The following RBFOX1 variants were observed in gnomAD, a reference collection of about 807,000 sequenced individuals.
The protein encoded by RBFOX1 is RNA binding protein fox-1 homolog 1.
RBFOX1 carries 8 observed loss-of-function variants against 57.7 expected under a neutral mutation model. That is an observed-to-expected ratio of 0.14 (90% CI 0.08 to 0.25). The LOEUF is 0.25. RBFOX1 is among the 10% of genes least tolerant of loss of function. RBFOX1 has a pLI of 1.00. For synonymous variants in RBFOX1, 326 were observed against 222.4 expected, an observed-to-expected ratio of 1.47 and a Z score of -4.15; for missense variants, 611 against 548.5, an observed-to-expected ratio of 1.11 and a Z score of -1.14.
chr16:7,710,261 G>C (rs1466454530), intron 15 of RBFOX1: 31 of 1,099,220 alleles, frequency 2.8e-5, no homozygotes, highest in Admixed American at 5.4e-5. Context: ...CATGAGGAAT[G>C]TGTTGGAGAG....
At chr16:7,282,438 A>G (rs934489583) in intron 4 of RBFOX1, among the ~76,000 whole-genome samples, 2 of 152,192 alleles carry the variant, frequency 1.3e-5, no homozygotes, top group African/African-American at 4.8e-5. Flanking sequence ...CACAAAACTC[A>G]GTTGCATGAA....
chr16:7,433,009 C>T (rs1382587345), intron 4 of RBFOX1, among the ~76,000 whole-genome samples: 1 of 152,148 alleles, frequency 6.6e-6, no homozygotes, highest in African/African-American at 2.4e-5. Context: ...AGGTTTATAT[C>T]TTGTAGCCCC....
chr16:6,571,071 A>G (rs1310999131), intron 2 of RBFOX1, among the ~76,000 whole-genome samples: 1 of 152,202 alleles, frequency 6.6e-6, no homozygotes, highest in Non-Finnish European at 1.5e-5. Flanking sequence ...CCTTTCTACT[A>G]CCAAGGACTG....
Position 6,604,700 on chromosome 16 carries a change from GCA to G in RBFOX1, c.-63-49895_-63-49894del, listed in dbSNP as rs568854857. Among the ~76,000 whole-genome samples the G allele has an allele frequency of 2.0e-4, 30 of 152,236 alleles. 1 individual carries two copies. The South Asian group carries it at 6.0e-3, about 30-fold the overall frequency. ...AACTTTTTATTAAGCATATACACAT[GCA>G]CACACACGTATAATTGTCAGCCCTA... On this transcript the variant is annotated intron_variant, in intron 2 of 15. Transcript: ENST00000550418.
intron 4 of RBFOX1, among the ~76,000 whole-genome samples, chr16:5,950,333 G>A (rs1165864024): frequency 6.6e-6 from 1 of 152,180 alleles, no homozygotes; most frequent in Non-Finnish European, 1.5e-5. Flanking sequence ...TTGAGACGAT[G>A]TGAAGATTTC....
At chr16:5,812,521 C>A (rs1000223533) in intron 3 of RBFOX1, among the ~76,000 whole-genome samples, 8 of 149,102 alleles carry the variant, frequency 5.4e-5, no homozygotes, top group Admixed American at 4.7e-4. Context: ...TGCAGTGGTG[C>A]AGTCGTAGCT....
In RBFOX1 at chr16:5,941,855, G is replaced by A. The variant is rs58579649; in HGVS notation, c.351+74520G>A. Among the ~76,000 whole-genome samples, 825 of 152,014 alleles carry A rather than the reference G, an allele frequency of 5.4e-3. 12 individuals carry two copies. The highest frequency in any genetic ancestry group is 0.019 in the African/African-American group (769 of 41,416). On this transcript the variant is annotated intron_variant, in intron 4 of 19. Coordinates refer to the RBFOX1 transcript ENST00000641259. ...GAGAGCCAGCGTTAGTATGGATGAC[G>A]CAGTACATCCCCTTTTCCGGCCTGA...
chr16:6,771,182 AAG>A (rs2078232770), intron 3 of RBFOX1, among the ~76,000 whole-genome samples: 1 of 152,124 alleles, frequency 6.6e-6, no homozygotes, highest in South Asian at 2.1e-4. Flanking sequence ...AAGCCAAGGA[AAG>A]AGGCTTCAGA....
At chr16:6,701,054 T>C (rs1219197876) in intron 3 of RBFOX1, among the ~76,000 whole-genome samples, 1 of 151,904 alleles carries the variant, frequency 6.6e-6, no homozygotes, top group East Asian at 1.9e-4. Flanking sequence ...TGAGTCAGAC[T>C]ATGATGTGAG....
At chr16:7,195,380 G>C (rs1053963227) in intron 4 of RBFOX1, among the ~76,000 whole-genome samples, 3 of 152,146 alleles carry the variant, frequency 2.0e-5, no homozygotes, top group African/African-American at 7.2e-5. Context: ...TTTGTCCACT[G>C]TAAGAGTATC....
chr16:7,051,609 C>G (rs553466494), intron 3 of RBFOX1, among the ~76,000 whole-genome samples: 1 of 152,218 alleles, frequency 6.6e-6, no homozygotes, highest in Admixed American at 6.5e-5. Context: ...CAAGGCATGA[C>G]AACTGACACT....
intron 2 of RBFOX1, among the ~76,000 whole-genome samples, chr16:6,436,633 T>A (rs112335838): frequency 6.6e-6 from 1 of 151,696 alleles, no homozygotes; most frequent in Non-Finnish European, 1.5e-5. Flanking sequence ...CAACACTTAC[T>A]GTCTTTATAA....
intron 1 of RBFOX1, among the ~76,000 whole-genome samples, chr16:5,335,247 T>C (rs1368615508): frequency 6.6e-6 from 1 of 152,180 alleles, no homozygotes; most frequent in Non-Finnish European, 1.5e-5. Context: ...TCATGATACA[T>C]CACAGAGATT....
chr16:5,929,518 T>C (rs1479718595), intron 4 of RBFOX1, among the ~76,000 whole-genome samples: 2 of 152,190 alleles, frequency 1.3e-5, no homozygotes, highest in East Asian at 3.8e-4. Context: ...TTAAAGGACA[T>C]AATCTATTTA....
chr16:6,565,864 C>T (rs1387960973), intron 2 of RBFOX1, among the ~76,000 whole-genome samples: 2 of 152,220 alleles, frequency 1.3e-5, no homozygotes, highest in Non-Finnish European at 2.9e-5. Flanking sequence ...GTAAGACAGG[C>T]TATGCTGTAG....
intron 3 of RBFOX1, among the ~76,000 whole-genome samples, chr16:6,865,300 A>G (rs774041494): frequency 1.3e-5 from 2 of 151,024 alleles, no homozygotes; most frequent in African/African-American, 2.4e-5. Flanking sequence ...ACCGTGCCCG[A>G]CCTGGAGTGG....
At chr16:5,559,753 G>A (rs2045823516) in intron 2 of RBFOX1, among the ~76,000 whole-genome samples, 1 of 152,158 alleles carries the variant, frequency 6.6e-6, no homozygotes, top group South Asian at 2.1e-4. Flanking sequence ...AAAGTCTTCA[G>A]TGATAACCAC....
intron 4 of RBFOX1, among the ~76,000 whole-genome samples, chr16:7,110,772 A>T (rs964811842): frequency 1.3e-5 from 2 of 152,214 alleles, no homozygotes; most frequent in African/African-American, 2.4e-5. Flanking sequence ...AATATTACAA[A>T]GTGGTCATGT....
chr16:7,227,350 T>C (rs1229425077), intron 4 of RBFOX1, among the ~76,000 whole-genome samples: 1 of 138,506 alleles, frequency 7.2e-6, no homozygotes, highest in African/African-American at 2.5e-5. Flanking sequence ...TTTCTTTCCC[T>C]GCCCCCTCTC....
Sources: allele counts gnomAD v4.1 joint callset (sites outside exome capture counted in the v4.1 genomes callset), GRCh38; gene constraint gnomAD v4.1.1; transcripts MANE v1.5; gene names NCBI Gene and HGNC (gene_info 2026-07-23, HGNC 2026-07-21).